Variants in MEF2C observed in about 807,000 individuals in gnomAD.
MEF2C encodes myocyte-specific enhancer factor 2C.
In MEF2C, 6 loss-of-function variants were observed where a neutral mutation model predicts 50.5. That is an observed-to-expected ratio of 0.12 (90% confidence interval 0.07 to 0.23). The LOEUF (loss-of-function observed/expected upper bound fraction) is 0.23. MEF2C is among the 10% of genes least tolerant of loss of function. MEF2C has a pLI of 1.00. For missense variants in MEF2C, 276 were observed against 605.0 expected, an observed-to-expected ratio of 0.46 and a Z score of 5.70; for synonymous variants, 183 against 228.0, an observed-to-expected ratio of 0.80 and a Z score of 1.78.
At chr5:88,832,364 T>C (rs1386787229) in intron 1 of MEF2C, among the ~76,000 whole-genome samples, 3 of 152,098 alleles carry the variant, frequency 2.0e-5, no homozygotes, top group Admixed American at 6.6e-5. Context: ...TTTTAACATT[T>C]GAAATTATCT....
chr5:88,854,233 GGGTTTATAGA>G (rs1822439330), intron 1 of MEF2C, among the ~76,000 whole-genome samples: 1 of 152,148 alleles, frequency 6.6e-6, no homozygotes, highest in Admixed American at 6.6e-5. Flanking sequence ...CTATTGCCAT[GGGTTTATAGA>G]GTAGTTATGA....
chr5:88,899,214 T>C (rs2150317100), intron 1 of MEF2C, among the ~76,000 whole-genome samples: 1 of 152,256 alleles, frequency 6.6e-6, no homozygotes, highest in African/African-American at 2.4e-5. Context: ...CTCTGGAGTA[T>C]ATTGCAAAGT....
chr5:88,779,006 G>A (rs36111678), intron 3 of MEF2C, among the ~76,000 whole-genome samples: 4,928 of 152,298 alleles, frequency 0.032, 95 homozygotes, highest in Non-Finnish European at 0.044. Context: ...TCCCACAGCC[G>A]GGCCAATACC....
chr5:88,777,537 T>G (rs1478461679), intron 3 of MEF2C, among the ~76,000 whole-genome samples: 1 of 152,226 alleles, frequency 6.6e-6, no homozygotes, highest in Non-Finnish European at 1.5e-5. Context: ...CAAATTATTC[T>G]GCGTCTGCAA....
chr5:88,759,965 A>C (rs1484637159), intron 4 of MEF2C, among the ~76,000 whole-genome samples: 1 of 152,256 alleles, frequency 6.6e-6, no homozygotes, highest in African/African-American at 2.4e-5. Flanking sequence ...ACATATCTGC[A>C]CTTGTAATCA....
At chr5:88,889,941 G>A (rs897121869) in intron 1 of MEF2C, among the ~76,000 whole-genome samples, 1 of 152,180 alleles carries the variant, frequency 6.6e-6, no homozygotes, top group African/African-American at 2.4e-5. Flanking sequence ...GTCTGGTGAC[G>A]CAGGCTGCCC....
Position 88,729,311 on chromosome 5 carries a change from A to G in MEF2C, c.871T>C (p.Leu291=), listed in dbSNP as rs747980554. 68 of 1,612,654 alleles carry G rather than the reference A, an allele frequency of 4.2e-5. No individual in the cohort carries two copies. Among genetic ancestry groups the G allele is most frequent in the South Asian group, 8.8e-5 (8 of 91,024 alleles). Reference sequence around the variant, plus strand: ...GCTACGGAAACCACTGGGGTAGCCAATGACTGAGCCGACTGGGAGTTATTT... The same window carrying G: ...GCTACGGAAACCACTGGGGTAGCCAGTGACTGAGCCGACTGGGAGTTATTT... ...RINNSQSAQS[L]ATPVVSVATP... The change falls in exon 9 of 11, where the codon TTG becomes CTG. Residue 291 remains leucine, a synonymous_variant. Coordinates refer to ENST00000504921, the MANE Select transcript of MEF2C (RefSeq NM_002397.5).
intron 1 of MEF2C, among the ~76,000 whole-genome samples, chr5:88,874,647 T>C (rs940180698): frequency 6.6e-6 from 1 of 151,898 alleles, no homozygotes; most frequent in Non-Finnish European, 1.5e-5. Context: ...CACAGAAAAA[T>C]AAATGCTTGA....
intron 6 of MEF2C, chr5:88,742,375 T>A (rs1003349641): frequency 1.3e-4 from 131 of 984,844 alleles, no homozygotes; most frequent in Admixed American, 3.7e-4. Flanking sequence ...AAACTAGTAT[T>A]TCAGGGGGAA....
intron 3 of MEF2C, among the ~76,000 whole-genome samples, chr5:88,794,100 A>C (rs1794998852): frequency 6.6e-6 from 1 of 152,206 alleles, no homozygotes; most frequent in African/African-American, 2.4e-5. Context: ...TGCCGCAATA[A>C]ACATACATGT....
At chr5:88,777,899 CTTTTTTTTTTTT>C (rs57841792) in intron 3 of MEF2C, among the ~76,000 whole-genome samples, 157 of 77,318 alleles carry the variant, frequency 2.0e-3, no homozygotes, top group Non-Finnish European at 2.9e-3. Flanking sequence ...TTTTTCTTTT[CTTTTTTTTTTTT>C]TTTTTTTTTT....
At chr5:88,724,953 C>T (rs1384909244) in intron 10 of MEF2C, among the ~76,000 whole-genome samples, 1 of 152,026 alleles carries the variant, frequency 6.6e-6, no homozygotes, top group East Asian at 1.9e-4. Context: ...AATACTTTTG[C>T]TTGCTCTTTG....
At chr5:88,784,930 G>A (rs1333291680) in intron 3 of MEF2C, among the ~76,000 whole-genome samples, 3 of 152,020 alleles carry the variant, frequency 2.0e-5, no homozygotes, top group Admixed American at 2.0e-4. Flanking sequence ...CTGCATAAAG[G>A]AATCACTTGT....
intron 6 of MEF2C, 139 bp downstream of exon 6, chr5:88,748,931 T>C: frequency 1.3e-6 from 2 of 1,514,034 alleles, no homozygotes; most frequent in Non-Finnish European, 1.8e-6. Flanking sequence ...GAAAAGTGCT[T>C]TAAAAATTCT....
chr5:88,891,452 C>T (rs1834560847), intron 1 of MEF2C, among the ~76,000 whole-genome samples: 1 of 134,150 alleles, frequency 7.5e-6, no homozygotes, highest in Non-Finnish European at 1.5e-5. Context: ...GGCTTGAGTG[C>T]AGTGGTGCGA....
intron 1 of MEF2C, among the ~76,000 whole-genome samples, chr5:88,837,456 C>T (rs1244072271): frequency 6.6e-6 from 1 of 152,112 alleles, no homozygotes; most frequent in East Asian, 1.9e-4. Context: ...CAATACTGCA[C>T]AGTGGAAAGA....
At chr5:88,803,798 A>AAAAAT (rs1010425868) in intron 3 of MEF2C, among the ~76,000 whole-genome samples, 21 of 152,278 alleles carry the variant, frequency 1.4e-4, no homozygotes, top group South Asian at 6.2e-4. Context: ...AATGTATAAT[A>AAAAAT]AAAATAAAAT....
intron 3 of MEF2C, among the ~76,000 whole-genome samples, chr5:88,773,855 C>G (rs1298807811): frequency 6.6e-6 from 1 of 152,218 alleles, no homozygotes; most frequent in Non-Finnish European, 1.5e-5. Context: ...TTCTCCCTTT[C>G]CATGTAAAAT....
At chr5:88,790,788 T>C (rs1001696092) in intron 3 of MEF2C, among the ~76,000 whole-genome samples, 4 of 152,148 alleles carry the variant, frequency 2.6e-5, no homozygotes, top group African/African-American at 9.6e-5. Flanking sequence ...ATATATTGAA[T>C]GTCCACAATA....
Sources: gnomAD v4.1 joint callset for allele counts (sites outside exome capture counted in the v4.1 genomes callset) on GRCh38, gnomAD v4.1.1 for gene constraint, MANE v1.5 for transcripts, NCBI Gene and HGNC (gene_info 2026-07-23, HGNC 2026-07-21) for gene names.